The following MAGEE2 variants were observed in gnomAD, a reference collection of about 807,000 sequenced individuals.
MAGEE2 encodes the protein melanoma-associated antigen E2.
For missense variants in MAGEE2, 508 were observed against 391.1 expected (o/e 1.30, Z -2.52); for synonymous variants, 189 against 155.4 (o/e 1.22, Z -1.61).
At position 75,784,715 on chromosome X, in the gene MAGEE2, C is replaced by T; in HGVS notation, c.337G>A (p.Glu113Lys). The change falls in exon 1 of 1, where the codon GAG becomes AAG. Residue 113 changes from glutamate to lysine, a missense_variant. Coordinates refer to ENST00000373359, the MANE Select transcript of MAGEE2 (RefSeq NM_138703.5). ...SQTEGSIQQS[E>K]MLEFLREYSD... The stretch of plus-strand genomic sequence containing the variant: ...TACTCTCTGAGAAACTCCAGCATCT[C>T]GGACTGCTGGATAGACCCCTCCGTC... The T allele has an allele frequency of 1.7e-6, 2 of 1,211,541 alleles. No homozygotes were observed. Among genetic ancestry groups the T allele is most frequent in the Non-Finnish European group, 2.2e-6 (2 of 895,470 alleles).
chrX:75,785,132 C>G lies in MAGEE2; in HGVS notation c.-81G>C. 1 of 1,006,403 alleles carries G rather than the reference C, an allele frequency of 9.9e-7. No homozygotes were observed. The highest frequency in any genetic ancestry group is 1.3e-6 in the Non-Finnish European group (1 of 769,407). 82.9% of individuals were successfully genotyped at this position (1,006,403 alleles called of 1,213,427 possible). A position where few individuals can be genotyped will look rare whatever the true frequency, so the allele number is the denominator to read the frequency against. On this transcript the variant is annotated 5_prime_UTR_variant, in exon 1 of 1. Coordinates refer to ENST00000373359, the MANE Select transcript of MAGEE2 (RefSeq NM_138703.5). ...CCGCAGCAGTGTTGGTGCCTCGGCA[C>G]AAAGCTGAAGCCCGAGACCCTGGAG...
rs2087862489 is a variant in MAGEE2 at position 75,783,602 on chromosome X, T to G, written c.1450A>C (p.Met484Leu). ...ETIKMKVLEY[M>L]ARLYRKRPQN... is the part of the protein sequence containing the mutation. ...GGTCGCTTTCTGTAGAGCCTGGCCA[T>G]GTACTCCAAGACTTTCATTTTGATG... The change falls in exon 1 of 1, where the codon ATG becomes CTG. Residue 484 changes from methionine to leucine, a missense_variant. Met to Leu is a conservative substitution (Grantham distance 15, BLOSUM62 2). Transcript: ENST00000373359. 2 of 1,211,708 alleles carry G rather than the reference T, an allele frequency of 1.7e-6. No individual in the cohort carries two copies. The highest frequency in any genetic ancestry group is 3.5e-5 in the African/African-American group (2 of 57,732).
chrX:75,783,685 G>A lies in MAGEE2; in HGVS notation c.1367C>T (p.Ser456Phe). The A allele has an allele frequency of 8.3e-7, 1 of 1,211,770 alleles. No homozygotes were observed. The highest frequency in any genetic ancestry group is 1.1e-6 in the Non-Finnish European group (1 of 895,490). ...CTCATATTCAACTGGATTAGAGTAG[G>A]ACAGTGGCCTGCATTCCAGATAGCG... The part of the protein sequence containing the change: ...RQRYLECRPL[S>F]YSNPVEYELL... Residue 456 changes from serine (S) to phenylalanine (F), a missense_variant, in exon 1 of 1, where the codon TCC becomes TTC. Physicochemically the swap from Ser to Phe is radical, Grantham distance 155 (BLOSUM62 -2). Coordinates refer to ENST00000373359, the MANE Select transcript of MAGEE2 (RefSeq NM_138703.5).
In MAGEE2 at chrX:75,783,531, C is replaced by T. The variant is rs150153753; in HGVS notation, c.1521G>A (p.Glu507=). 1.1e-5 allele frequency: 13 copies of T among 1,208,406 alleles called. No homozygotes were observed. Among genetic ancestry groups the T allele is most frequent in the African/African-American group, 1.1e-4 (6 of 57,032 alleles). ...EQYREAVEDE[E]ARAKSEATIM... is the part of the protein sequence containing the mutation. Reference sequence around the variant, plus strand: ...TAGTTGCCTCAGATTTGGCTCTGGCCTCCTCATCTTCCACAGCCTCCCTAT... The same window carrying T: ...TAGTTGCCTCAGATTTGGCTCTGGCTTCCTCATCTTCCACAGCCTCCCTAT... The change falls in exon 1 of 1, where the codon GAG becomes GAA. Residue 507 remains glutamate, a synonymous_variant. Coordinates refer to ENST00000373359, the MANE Select transcript of MAGEE2 (RefSeq NM_138703.5).
Position 75,784,490 on chromosome X carries a change from G to T in MAGEE2, c.562C>A (p.Leu188Ile), listed in dbSNP as rs201684443. The change falls in exon 1 of 1, where the codon CTC becomes ATC. Residue 188 changes from leucine (L) to isoleucine (I), a missense_variant. Transcript: ENST00000373359. ...SLLALVLGHI[L>I]LNGNRAREAS... ...TCTCTTGCTCGGTTCCCATTCAAGAGGATGTGGCCTAGGACTAGGGCCAGG... is the reference window on the plus strand; with the variant it reads ...TCTCTTGCTCGGTTCCCATTCAAGATGATGTGGCCTAGGACTAGGGCCAGG... The T allele has an allele frequency of 2.1e-5, 25 of 1,210,187 alleles. No homozygotes were observed. The highest frequency in any genetic ancestry group is 1.1e-4 in the Admixed American group (5 of 45,823).
Position 75,783,560 on chromosome X carries a change from G to T in MAGEE2, c.1492C>A (p.Gln498Lys). Residue 498 changes from glutamine (Q) to lysine (K), a missense_variant, in exon 1 of 1, where the codon CAA (glutamine) becomes AAA (lysine). By Grantham distance (53) the Gln-to-Lys change is moderately conservative. Coordinates refer to ENST00000373359, the MANE Select transcript of MAGEE2 (RefSeq NM_138703.5). ...TCATCTTCCACAGCCTCCCTATATT[G>T]TTCTGGCCAGTTCTGTGGTCGCTTT... ...YRKRPQNWPEQYREAVEDEEA... is the reference protein window; with the variant it reads ...YRKRPQNWPEKYREAVEDEEA... 8.3e-7 allele frequency: 1 copy of T among 1,211,033 alleles called. No individual in the cohort carries two copies. The highest frequency in any genetic ancestry group is 1.7e-5 in the African/African-American group (1 of 57,573).
rs369188603 is a variant in MAGEE2, at chrX:75,783,503, T to C, written c.1549A>G (p.Met517Val). 5 of 1,205,811 alleles carry C rather than the reference T, an allele frequency of 4.1e-6. No individual in the cohort carries two copies. Among genetic ancestry groups the C allele is most frequent in the African/African-American group, 1.8e-5 (1 of 56,903 alleles). Residue 517 changes from methionine (M) to valine (V), a missense_variant, in exon 1 of 1, where the codon ATG becomes GTG. Coordinates refer to ENST00000373359, the MANE Select transcript of MAGEE2 (RefSeq NM_138703.5). ...EARAKSEATI[M>V]FFLDPT ...CTTCACGTGGGGTCAAGGAAAAACA[T>C]GATAGTTGCCTCAGATTTGGCTCTG...
Position 75,784,351 on chromosome X carries a change from C to T in MAGEE2, c.701G>A (p.Arg234Gln), listed in dbSNP as rs765658489. The change falls in exon 1 of 1, where the codon CGA (arginine) becomes CAA (glutamine). Residue 234 changes from arginine (R) to glutamine (Q), a missense_variant. By Grantham distance (43) the Arg-to-Gln change is conservative. Coordinates refer to ENST00000373359, the MANE Select transcript of MAGEE2 (RefSeq NM_138703.5). ...NLLTTDFVCM[R>Q]FLEYWPVYGT... The stretch of plus-strand genomic sequence containing the variant: ...ATACACCGGCCAGTACTCCAAGAAT[C>T]GCATGCACACAAAGTCAGTAGTGAG... 20 of 1,209,958 alleles carry T rather than the reference C, an allele frequency of 1.7e-5. No individual in the cohort carries two copies. The highest frequency in any genetic ancestry group is 4.4e-5 in the Admixed American group (2 of 45,806).
chrX:75,783,172 C>A lies in MAGEE2; in HGVS notation c.*308G>T. ...TTGTTATTTAACTCCTGTACCAGAC[C>A]ATTTTACTGATTATTTCAAAGATGT... On this transcript the variant is annotated 3_prime_UTR_variant, in exon 1 of 1. Transcript: ENST00000373359. 1 of 264,670 alleles carries A rather than the reference C, an allele frequency of 3.8e-6. No homozygotes were observed. The highest frequency in any genetic ancestry group is 6.7e-6 in the Non-Finnish European group (1 of 150,170). The allele number at this position is 264,670 out of a possible 1,213,427, so 21.8% of individuals were successfully genotyped here. A position where few individuals can be genotyped will look rare whatever the true frequency, so the allele number is the denominator to read the frequency against.
Position 75,783,822 on chromosome X carries a change from C to T in MAGEE2, c.1230G>A (p.Leu410=). 1 of 1,211,891 alleles carries T rather than the reference C, an allele frequency of 8.3e-7. No homozygotes were observed. The highest frequency in any genetic ancestry group is 1.1e-6 in the Non-Finnish European group (1 of 895,562). The change falls in exon 1 of 1, where the codon TTG becomes TTA. Residue 410 remains leucine (L), a synonymous_variant. Coordinates refer to ENST00000373359, the MANE Select transcript of MAGEE2 (RefSeq NM_138703.5). The stretch of plus-strand genomic sequence containing the variant: ...TGACACGGTTGCCCATCAGGAAGAT[C>T]AAACCTAGGATTGGCATTACATATT... ...TQEYVMPILG[L]IFLMGNRVKE...
Position 75,784,431 on chromosome X carries a change from A to G in MAGEE2, c.621T>C (p.Asp207=). The stretch of plus-strand genomic sequence containing the variant: ...TGATCCTCTGAGGCTTATCCCACAT[A>G]TCAACTTTTAGCAGCAAGTCCCAAA... The part of the protein sequence containing the change: ...ASIWDLLLKV[D]MWDKPQRINN... The change falls in exon 1 of 1, where the codon GAT becomes GAC. Residue 207 remains aspartate, a synonymous_variant. Transcript: ENST00000373359. 1 of 1,211,754 alleles carries G rather than the reference A, an allele frequency of 8.3e-7. No homozygotes were observed.
At position 75,784,862 on chromosome X, in the gene MAGEE2, C is replaced by A. The variant is rs759144063; in HGVS notation, c.190G>T (p.Asp64Tyr). The change falls in exon 1 of 1, where the codon GAC (aspartate) becomes TAC (tyrosine). Residue 64 changes from aspartate (D) to tyrosine (Y), a missense_variant. Transcript: ENST00000373359. ...QCVNTSQAVQDPNDLEVLIDE... is the reference protein window; with the variant it reads ...QCVNTSQAVQYPNDLEVLIDE... ...ATCAGGACCTCCAGGTCATTCGGGT[C>A]CTGAACGGCCTGGGAAGTGTTGACA... is the stretch of plus-strand genomic sequence containing the variant. The A allele has an allele frequency of 1.7e-5, 20 of 1,204,553 alleles. No homozygotes were observed. The highest frequency in any genetic ancestry group is 2.1e-5 in the Non-Finnish European group (19 of 892,126).
rs1321429912 is a variant in MAGEE2, at chrX:75,784,944, G to A, written c.108C>T (p.Thr36=). 1 of 1,158,168 alleles carries A rather than the reference G, an allele frequency of 8.6e-7. No homozygotes were observed. Among genetic ancestry groups the A allele is most frequent in the Admixed American group, 2.7e-5 (1 of 36,724 alleles). The part of the protein sequence containing the change: ...IQATNASGSP[T]SMLVVDAPQC... ...GGGGGGCATCAACGACTAGCATGGA[G>A]GTGGGGGACCCGGAGGCGTTAGTAG... The change falls in exon 1 of 1, where the codon ACC becomes ACT. Residue 36 remains threonine (T), a synonymous_variant. Transcript: ENST00000373359.
At position 75,783,751 on chromosome X, in the gene MAGEE2, A is replaced by T. The variant is rs1453423510; in HGVS notation, c.1301T>A (p.Val434Glu). ...ACGGGTGATGGAATGCTTTCTCCCTACATCCACACTAAATCTTCGAAGCAA... is the reference window on the plus strand; with the variant it reads ...ACGGGTGATGGAATGCTTTCTCCCTTCATCCACACTAAATCTTCGAAGCAA... ...WNLLRRFSVD[V>E]GRKHSITRKL... is the part of the protein sequence containing the mutation. Residue 434 changes from valine (V) to glutamate (E), a missense_variant, in exon 1 of 1, where the codon GTA becomes GAA. Val to Glu is a moderately radical substitution (Grantham distance 121). Transcript: ENST00000373359. 1.7e-6 allele frequency: 2 copies of T among 1,211,702 alleles called. No individual in the cohort carries two copies. The highest frequency in any genetic ancestry group is 2.2e-6 in the Non-Finnish European group (2 of 895,494).
rs1224133180 is a variant in MAGEE2, at chrX:75,784,803, C to G, written c.249G>C (p.Arg83Ser). The part of the protein sequence containing the change: ...DEQSRRLGAL[R>S]VHDPLEDRSI... ...ACCTGTCTTCTAGAGGGTCATGGAC[C>G]CTGAGCGCCCCCAAACGTCTGGACT... The change falls in exon 1 of 1, where the codon AGG becomes AGC. Residue 83 changes from arginine to serine, a missense_variant. Arg to Ser is a moderately radical substitution (Grantham distance 110, BLOSUM62 -1). Transcript: ENST00000373359. The G allele has an allele frequency of 8.3e-7, 1 of 1,211,437 alleles. No individual in the cohort carries two copies. Among genetic ancestry groups the G allele is most frequent in the South Asian group, 1.8e-5 (1 of 56,948 alleles).
In MAGEE2 at chrX:75,783,596, T is replaced by G; in HGVS notation, c.1456A>C (p.Arg486=). ...IKMKVLEYMA[R]LYRKRPQNWP... ...TTCTGTGGTCGCTTTCTGTAGAGCC[T>G]GGCCATGTACTCCAAGACTTTCATT... The change falls in exon 1 of 1, where the codon AGG becomes CGG. Residue 486 remains arginine, a synonymous_variant. Coordinates refer to ENST00000373359, the MANE Select transcript of MAGEE2 (RefSeq NM_138703.5). 2 of 1,211,799 alleles carry G rather than the reference T, an allele frequency of 1.7e-6. No homozygotes were observed. The highest frequency in any genetic ancestry group is 2.2e-6 in the Non-Finnish European group (2 of 895,576).
chrX:75,783,591 G>A lies in MAGEE2; in HGVS notation c.1461C>T (p.Leu487=), dbSNP rs763001904. The change falls in exon 1 of 1, where the codon CTC becomes CTT. Residue 487 remains leucine (L), a synonymous_variant. Coordinates refer to ENST00000373359, the MANE Select transcript of MAGEE2 (RefSeq NM_138703.5). ...KMKVLEYMAR[L]YRKRPQNWPE... is the part of the protein sequence containing the mutation. Reference sequence around the variant, plus strand: ...GCCAGTTCTGTGGTCGCTTTCTGTAGAGCCTGGCCATGTACTCCAAGACTT... The same window carrying A: ...GCCAGTTCTGTGGTCGCTTTCTGTAAAGCCTGGCCATGTACTCCAAGACTT... The A allele has an allele frequency of 5.0e-6, 6 of 1,211,634 alleles. No individual in the cohort carries two copies. The highest frequency in any genetic ancestry group is 6.7e-6 in the Non-Finnish European group (6 of 895,530).
chrX:75,785,132 C>T lies in MAGEE2; in HGVS notation c.-81G>A, dbSNP rs1569454968. 2 of 1,006,403 alleles carry T rather than the reference C, an allele frequency of 2.0e-6. No homozygotes were observed. Among genetic ancestry groups the T allele is most frequent in the East Asian group, 6.4e-5 (2 of 31,342 alleles). 82.9% of individuals were successfully genotyped at this position (1,006,403 alleles called of 1,213,427 possible). ...CCGCAGCAGTGTTGGTGCCTCGGCA[C>T]AAAGCTGAAGCCCGAGACCCTGGAG... On this transcript the variant is annotated 5_prime_UTR_variant, in exon 1 of 1. The change creates a new upstream start codon in the 5' untranslated region. Transcript: ENST00000373359.
chrX:75,785,119 T>G lies in MAGEE2; in HGVS notation c.-68A>C. 9.5e-7 allele frequency: 1 copy of G among 1,048,911 alleles called. No individual in the cohort carries two copies. Among genetic ancestry groups the G allele is most frequent in the Non-Finnish European group, 1.2e-6 (1 of 803,094 alleles). 86.4% of individuals were successfully genotyped at this position (1,048,911 alleles called of 1,213,427 possible). The stretch of plus-strand genomic sequence containing the variant: ...GTCGGAGAGAGGACCGCAGCAGTGT[T>G]GGTGCCTCGGCACAAAGCTGAAGCC... On this transcript the variant is annotated 5_prime_UTR_variant, in exon 1 of 1. Transcript: ENST00000373359.
Sources: allele counts gnomAD v4.1 joint callset, GRCh38; gene constraint gnomAD v4.1.1; transcripts MANE v1.5; gene names NCBI Gene and HGNC (gene_info 2026-07-23, HGNC 2026-07-21).